Variants in DNAJB12 observed in about 807,000 individuals in gnomAD.
DNAJB12 encodes dnaJ homolog subfamily B member 12.
Under a neutral mutation model 40.6 loss-of-function variants are expected in DNAJB12, and 14 were observed. That is an observed-to-expected ratio of 0.34 (90% CI 0.23 to 0.54). The LOEUF (loss-of-function observed/expected upper bound fraction) is 0.54. Among genes scored for constraint, DNAJB12 ranks in the 20% least tolerant of loss-of-function variants. The pLI, the probability that DNAJB12 is intolerant of heterozygous loss-of-function variation, is 0.92. For synonymous variants in DNAJB12, 181 were observed against 199.5 expected, an observed-to-expected ratio of 0.91 and a Z score of 0.78; for missense variants, 444 against 501.7, an observed-to-expected ratio of 0.89 and a Z score of 1.10.
chr10:72,345,183 G>A (rs1861752668), intron 1 of DNAJB12, 56 bp from the exon 2 acceptor site: 17 of 1,546,304 alleles, frequency 1.1e-5, no homozygotes, highest in South Asian at 2.5e-5. Context: ...TGCGTGCCTC[G>A]CCGAGCGGCC....
In DNAJB12 at chr10:72,335,621, C is replaced by T. The variant is rs1564816722; in HGVS notation, c.*30+159G>A. On this transcript the variant is annotated intron_variant, in intron 8 of 8. Transcript: ENST00000444643. This position sits in a 1 kb window ranked among gnomAD's most constrained non-coding sequence, Gnocchi z 4.4. Reference sequence around the variant, plus strand: ...AACCGACCTTGGTTTCCCAGCAGGCCCCACAGCTGCTCGGTCTCTGGAGGC... The same window carrying T: ...AACCGACCTTGGTTTCCCAGCAGGCTCCACAGCTGCTCGGTCTCTGGAGGC... The T allele has an allele frequency of 2.1e-6, 3 of 1,411,312 alleles. No individual in the cohort carries two copies. Among genetic ancestry groups the T allele is most frequent in the Admixed American group, 5.9e-5 (2 of 34,060 alleles). 87.4% of individuals were successfully genotyped at this position (1,411,312 alleles called of 1,614,324 possible).
chr10:72,336,422 C>T, intron 7 of DNAJB12, 102 bp downstream of exon 7: 1 of 1,289,942 alleles, frequency 7.8e-7, no homozygotes, highest in South Asian at 1.3e-5. Context: ...AGGGGCTGGG[C>T]CCTCAGAGCA....
Position 72,340,969 on chromosome 10 carries a change from A to T in DNAJB12, c.643+16T>A. On this transcript the variant is annotated intron_variant, in intron 4 of 8. Coordinates refer to ENST00000444643, the MANE Select transcript of DNAJB12 (RefSeq NM_017626.7). Reference sequence around the variant, plus strand: ...ACCCCAGGGATACCTGGCTGTGGGGAGGGTGGGGAACTTACTAGAAGGGAA... The same window carrying T: ...ACCCCAGGGATACCTGGCTGTGGGGTGGGTGGGGAACTTACTAGAAGGGAA... 6.2e-7 allele frequency: 1 copy of T among 1,611,928 alleles called. No individual in the cohort carries two copies. The highest frequency in any genetic ancestry group is 8.5e-7 in the Non-Finnish European group (1 of 1,178,946).
Position 72,345,507 on chromosome 10 carries a change from T to C in DNAJB12, c.134-380A>G, listed in dbSNP as rs999457113. Among the ~76,000 whole-genome samples the C allele has an allele frequency of 2.0e-5, 3 of 147,008 alleles. No individual in the cohort carries two copies. The East Asian group carries it at 6.0e-4, about 29-fold the overall frequency. On this transcript the variant is annotated intron_variant, in intron 1 of 8. Coordinates refer to ENST00000444643, the MANE Select transcript of DNAJB12 (RefSeq NM_017626.7). ...ATTCCAGCTACTAGGGAGGCAGAGG[T>C]TGCAGTGAGCCAAGATGGTGCCACT...
chr10:72,350,985 C>G (rs1411243424), intron 1 of DNAJB12, among the ~76,000 whole-genome samples: 1 of 152,146 alleles, frequency 6.6e-6, no homozygotes, highest in African/African-American at 2.4e-5. Flanking sequence ...TGTGGGCTGG[C>G]CTTCCCAGCT....
Position 72,342,967 on chromosome 10 carries a change from G to A in DNAJB12, c.457+399C>T, listed in dbSNP as rs142399636. Reference sequence around the variant, plus strand: ...GGTGGCCACCAGGCCTGAGGCCCCCGACCTGGGGCTACCCTGCCCCTCAGC... The same window carrying A: ...GGTGGCCACCAGGCCTGAGGCCCCCAACCTGGGGCTACCCTGCCCCTCAGC... On this transcript the variant is annotated intron_variant, in intron 3 of 8. Transcript: ENST00000444643. Among the ~76,000 whole-genome samples, 5 of 152,266 alleles carry A rather than the reference G, an allele frequency of 3.3e-5. No homozygotes were observed. The East Asian group carries it at 7.7e-4, about 23-fold the overall frequency.
intron 1 of DNAJB12, chr10:72,354,526 G>A: frequency 6.0e-6 from 3 of 503,908 alleles, no homozygotes; most frequent in Non-Finnish European, 7.0e-6. Flanking sequence ...AAACCCCAGC[G>A]GGCTCCGCCA....
intron 3 of DNAJB12, 135 bp from the exon 4 acceptor site, chr10:72,341,305 A>G (rs1268437422): frequency 3.6e-6 from 3 of 835,452 alleles, no homozygotes; most frequent in Admixed American, 2.8e-5. Flanking sequence ...GTGGGCAGGA[A>G]GCTTGGCCAG....
At chr10:72,348,004 G>C (rs932514489) in intron 1 of DNAJB12, among the ~76,000 whole-genome samples, 2 of 147,570 alleles carry the variant, frequency 1.4e-5, no homozygotes, top group African/African-American at 5.0e-5. Flanking sequence ...CGGGCAGATC[G>C]CCTGAGGTCA....
At chr10:72,349,833 C>G (rs1861889652) in intron 1 of DNAJB12, among the ~76,000 whole-genome samples, 1 of 152,100 alleles carries the variant, frequency 6.6e-6, no homozygotes. Context: ...AAGCTTTCTG[C>G]TTGAGTTGGA....
chr10:72,337,725 GACTCT>G (rs1861515557), intron 6 of DNAJB12, among the ~76,000 whole-genome samples: 2 of 152,158 alleles, frequency 1.3e-5, no homozygotes, highest in South Asian at 4.1e-4. Context: ...TGCTCTGTCT[GACTCT>G]AGTGCCCTGT....
At chr10:72,342,111 G>A (rs1032699694) in intron 3 of DNAJB12, among the ~76,000 whole-genome samples, 6 of 152,174 alleles carry the variant, frequency 3.9e-5, no homozygotes, top group African/African-American at 9.7e-5. Context: ...GCCAAATCTC[G>A]GGGCTCTATG....
chr10:72,342,595 T>C (rs1004990003), intron 3 of DNAJB12, among the ~76,000 whole-genome samples: 3 of 152,108 alleles, frequency 2.0e-5, no homozygotes, highest in Non-Finnish European at 4.4e-5. Context: ...GCTATGGTTG[T>C]GGGTGCAGCA....
rs1243254042 is a variant in DNAJB12, at chr10:72,335,903, G to A, written c.1035C>T (p.Tyr345=). 1.2e-6 allele frequency: 2 copies of A among 1,614,064 alleles called. No homozygotes were observed. The highest frequency in any genetic ancestry group is 4.5e-5 in the East Asian group (2 of 44,898). The change falls in exon 8 of 9, where the codon TAC becomes TAT. Residue 345 remains tyrosine, a synonymous_variant. Transcript: ENST00000444643. The surrounding 1 kb of genome is among the most constrained non-coding windows in gnomAD (Gnocchi z 4.4). ...TGTGGTACATATCTGTGTCGCCAAA[G>A]TAGCGTGCCCGGTACAGCAAGCCTT... The part of the protein sequence containing the change: ...QKEGLLYRAR[Y]FGDTDMYHRA...
chr10:72,348,602 T>A (rs571339793), intron 1 of DNAJB12, among the ~76,000 whole-genome samples: 2 of 152,350 alleles, frequency 1.3e-5, no homozygotes, highest in Non-Finnish European at 2.9e-5. Context: ...GAACAGAGTA[T>A]GGGGCTCCAG....
At chr10:72,339,551 A>C (rs1030903480) in intron 5 of DNAJB12, among the ~76,000 whole-genome samples, 1 of 152,068 alleles carries the variant, frequency 6.6e-6, no homozygotes, top group Non-Finnish European at 1.5e-5. Flanking sequence ...TAAAAAAAAA[A>C]AAAATTGAAT....
At chr10:72,336,471 C>T in intron 7 of DNAJB12, 53 bp downstream of exon 7, 1 of 1,576,486 alleles carries the variant, frequency 6.3e-7, no homozygotes, top group South Asian at 1.2e-5. Context: ...TGCTTTCCAG[C>T]TTCATCCCAA....
chr10:72,346,080 A>T (rs975552265), intron 1 of DNAJB12, among the ~76,000 whole-genome samples: 1 of 152,166 alleles, frequency 6.6e-6, no homozygotes, highest in African/African-American at 2.4e-5. Context: ...ATTTAGGCAG[A>T]ATTCTGATAT....
intron 5 of DNAJB12, among the ~76,000 whole-genome samples, chr10:72,340,482 G>A (rs1365865282): frequency 1.3e-5 from 2 of 152,212 alleles, no homozygotes; most frequent in Admixed American, 6.5e-5. Flanking sequence ...CCTTACCAGC[G>A]AGCGGTCTGC....
Sources: gnomAD v4.1 joint callset for allele counts (sites outside exome capture counted in the v4.1 genomes callset) on GRCh38, gnomAD v4.1.1 for gene constraint, Gnocchi (gnomAD v3.1) non-coding constraint, MANE v1.5 for transcripts, NCBI Gene and HGNC (gene_info 2026-07-23, HGNC 2026-07-21) for gene names.